The following GRK5 variants were observed in gnomAD, a reference collection of about 807,000 sequenced individuals.
The protein encoded by GRK5 is g protein-coupled receptor kinase GRK5.
In GRK5, 40 loss-of-function variants were observed where a neutral mutation model predicts 78.4. That is an observed-to-expected ratio of 0.51 (90% CI 0.40 to 0.66). GRK5 has a LOEUF of 0.66. Among genes scored for constraint, GRK5 ranks in the 30% least tolerant of loss-of-function variants. GRK5 has a pLI of 0.00. For missense variants in GRK5, 598 were observed against 759.9 expected, an observed-to-expected ratio of 0.79 and a Z score of 2.50; for synonymous variants, 289 against 296.8, an observed-to-expected ratio of 0.97 and a Z score of 0.27.
chr10:119,393,307 GACCTGCGTGCCCATCC>G (rs1321981640), intron 3 of GRK5, among the ~76,000 whole-genome samples: 22 of 152,256 alleles, frequency 1.4e-4, no homozygotes, highest in African/African-American at 4.3e-4. Context: ...CCGCCCTGTG[GACCTGCGTGCCCATCC>G]ACCGGCGGGG....
chr10:119,422,675 C>T (rs553503366), intron 4 of GRK5, among the ~76,000 whole-genome samples: 3 of 152,318 alleles, frequency 2.0e-5, no homozygotes, highest in South Asian at 4.1e-4. Flanking sequence ...CTTTTGCCCT[C>T]GGAGGAAAGA....
chr10:119,296,047 C>A (rs1850074148), intron 1 of GRK5, among the ~76,000 whole-genome samples: 1 of 152,162 alleles, frequency 6.6e-6, no homozygotes, highest in South Asian at 2.1e-4. Context: ...TGTTTATCAT[C>A]CCACATTAGA....
intron 2 of GRK5, among the ~76,000 whole-genome samples, chr10:119,374,399 TAA>T (rs1851592895): frequency 6.6e-6 from 1 of 152,162 alleles, no homozygotes; most frequent in African/African-American, 2.4e-5. Context: ...GAGAATAGGC[TAA>T]GAGGCAAGCG....
intron 1 of GRK5, among the ~76,000 whole-genome samples, chr10:119,223,185 C>T (rs966448190): frequency 6.6e-6 from 1 of 152,288 alleles, no homozygotes; most frequent in Middle Eastern, 3.4e-3. Flanking sequence ...TCTCCCTGTG[C>T]GTCTTCCTCT....
intron 1 of GRK5, among the ~76,000 whole-genome samples, chr10:119,308,965 C>T (rs1009975549): frequency 6.6e-6 from 1 of 152,180 alleles, no homozygotes; most frequent in Non-Finnish European, 1.5e-5. Flanking sequence ...GCAGATCTTC[C>T]CAGGGCCTGT....
rs1442792952 is a variant in GRK5, at chr10:119,336,799, C to G, written c.148+10188C>G. On this transcript the variant is annotated intron_variant, in intron 2 of 15. Transcript: ENST00000392870. This position sits in a 1 kb window ranked among gnomAD's most constrained non-coding sequence, Gnocchi z 4.5. ...CTAGCCGTGCTGTGATAAGGCACAG[C>G]ATCTGCTTGTCCTTGGAGGGCGAAA... 6.6e-6 allele frequency among the ~76,000 whole-genome samples: 1 copy of G among 152,178 alleles called. No individual in the cohort carries two copies. The highest frequency in any genetic ancestry group is 2.4e-5 in the African/African-American group (1 of 41,446).
rs947724497 is a variant in GRK5 at position 119,445,509 on chromosome 10, G to A, written c.1266+1757G>A. ...CTGCAGCCTGGACCAGGGTGCTGCT[G>A]TCCCTCTGCTGCCCCCTGGTGGACA... is the stretch of plus-strand genomic sequence containing the variant. On this transcript the variant is annotated intron_variant, in intron 12 of 15. Transcript: ENST00000392870. The surrounding 1 kb of genome is among the most constrained non-coding windows in gnomAD (Gnocchi z 4.1). 1.3e-5 allele frequency among the ~76,000 whole-genome samples: 2 copies of A among 152,148 alleles called. No homozygotes were observed. Among genetic ancestry groups the A allele is most frequent in the Non-Finnish European group, 2.9e-5 (2 of 68,036 alleles).
chr10:119,252,887 C>T (rs1051574864), intron 1 of GRK5, among the ~76,000 whole-genome samples: 2 of 152,110 alleles, frequency 1.3e-5, no homozygotes, highest in Non-Finnish European at 2.9e-5. Flanking sequence ...AACTTTGGAA[C>T]TTGCCCAGAT....
At chr10:119,357,763 G>C (rs537896607) in intron 2 of GRK5, among the ~76,000 whole-genome samples, 1 of 151,798 alleles carries the variant, frequency 6.6e-6, no homozygotes, top group East Asian at 1.9e-4. Context: ...TGCATTCTTG[G>C]CCACGTAGTT....
Position 119,445,855 on chromosome 10 carries a change from G to T in GRK5, c.1266+2103G>T, listed in dbSNP as rs906408974. ...AAGAGGGTCCCTCCACAATCAGTGA[G>T]GAAGCCAGTCTCTGGCCCCCAGGTC... is the stretch of plus-strand genomic sequence containing the variant. On this transcript the variant is annotated intron_variant, in intron 12 of 15. Transcript: ENST00000392870. This position sits in a 1 kb window ranked among gnomAD's most constrained non-coding sequence, Gnocchi z 4.1. 1.8e-4 allele frequency among the ~76,000 whole-genome samples: 27 copies of T among 152,138 alleles called. No homozygotes were observed. Among genetic ancestry groups the T allele is most frequent in the African/African-American group, 6.5e-4 (27 of 41,424 alleles).
intron 4 of GRK5, among the ~76,000 whole-genome samples, chr10:119,407,928 C>T (rs540461554): frequency 3.3e-5 from 5 of 152,220 alleles, no homozygotes; most frequent in South Asian, 2.1e-4. Flanking sequence ...CTTTGGGAGG[C>T]CAAGGCGGGC....
chr10:119,454,524 C>T (rs1853362115), intron 15 of GRK5, among the ~76,000 whole-genome samples: 1 of 152,254 alleles, frequency 6.6e-6, no homozygotes, highest in Admixed American at 6.5e-5. Context: ...GACCGCCCAT[C>T]TCTCCCAGGC....
chr10:119,440,332 C>T (rs1181948911), intron 10 of GRK5, among the ~76,000 whole-genome samples: 18 of 152,072 alleles, frequency 1.2e-4, no homozygotes, highest in Non-Finnish European at 1.0e-4. Flanking sequence ...AGAACAACCA[C>T]AGTACCCCTC....
At chr10:119,332,400 C>A (rs958745436) in intron 2 of GRK5, among the ~76,000 whole-genome samples, 1 of 152,190 alleles carries the variant, frequency 6.6e-6, no homozygotes, top group Non-Finnish European at 1.5e-5. Context: ...AGCCACTGCA[C>A]CCGGCCAGCT....
At chr10:119,228,561 C>T (rs1848778463) in intron 1 of GRK5, among the ~76,000 whole-genome samples, 1 of 151,804 alleles carries the variant, frequency 6.6e-6, no homozygotes. Context: ...TTCAAGGCTG[C>T]AGTGAGCTGT....
chr10:119,318,655 C>A lies in GRK5; in HGVS notation c.53-7861C>A, dbSNP rs1850532283. Among the ~76,000 whole-genome samples, 3 of 152,246 alleles carry A rather than the reference C, an allele frequency of 2.0e-5. No individual in the cohort carries two copies. The South Asian group carries it at 6.2e-4, about 32-fold the overall frequency. On this transcript the variant is annotated intron_variant, in intron 1 of 15. Coordinates refer to ENST00000392870, the MANE Select transcript of GRK5 (RefSeq NM_005308.3). ...AGAATCCATCATCGCTGCACCCCAGCCGCATCCCACTGGGCTGACACTGCC... is the reference window on the plus strand; with the variant it reads ...AGAATCCATCATCGCTGCACCCCAGACGCATCCCACTGGGCTGACACTGCC...
intron 4 of GRK5, among the ~76,000 whole-genome samples, chr10:119,422,311 A>G (rs1363128350): frequency 1.3e-5 from 2 of 152,222 alleles, no homozygotes; most frequent in South Asian, 4.1e-4. Flanking sequence ...TAAAATACTC[A>G]GGCCAGCAGC....
intron 1 of GRK5, among the ~76,000 whole-genome samples, chr10:119,265,533 C>T (rs530537667): frequency 2.0e-5 from 3 of 152,258 alleles, no homozygotes; most frequent in African/African-American, 4.8e-5. Context: ...CACATGAGGA[C>T]GCAGTAAGAA....
chr10:119,347,018 G>A (rs1050923242), intron 2 of GRK5, among the ~76,000 whole-genome samples: 2 of 152,148 alleles, frequency 1.3e-5, no homozygotes, highest in Non-Finnish European at 2.9e-5. Context: ...ATATGGTTAC[G>A]ATTTCTGGGA....
Sources: allele counts gnomAD v4.1 joint callset (sites outside exome capture counted in the v4.1 genomes callset), GRCh38; gene constraint gnomAD v4.1.1; non-coding constraint Gnocchi (gnomAD v3.1); transcripts MANE v1.5; gene names NCBI Gene and HGNC (gene_info 2026-07-23, HGNC 2026-07-21).